Variants in SCG5 observed in about 807,000 individuals in gnomAD.
SCG5 encodes the protein neuroendocrine protein 7B2.
A neutral mutation model predicts 25.7 loss-of-function variants in SCG5; 18 were observed. The observed-to-expected ratio is 0.70, with a 90% CI of 0.48 to 1.04. SCG5 has a LOEUF of 1.04. Among genes scored for constraint, SCG5 ranks in the 50% least tolerant of loss-of-function variants. SCG5 has a pLI of 0.00. For missense variants in SCG5, 206 were observed against 259.8 expected, an observed-to-expected ratio of 0.79 and a Z score of 1.42; for synonymous variants, 101 against 91.7, an observed-to-expected ratio of 1.10 and a Z score of -0.58.
chr15:32,667,787 C>T (rs1375454268), intron 2 of SCG5, among the ~76,000 whole-genome samples: 13 of 152,032 alleles, frequency 8.6e-5, no homozygotes, highest in Non-Finnish European at 1.6e-4. Flanking sequence ...ATTCTCCTGC[C>T]TCAGCCTTTC....
intron 2 of SCG5, among the ~76,000 whole-genome samples, chr15:32,678,985 A>G (rs1567084392): frequency 6.6e-6 from 1 of 152,248 alleles, no homozygotes; most frequent in East Asian, 1.9e-4. Flanking sequence ...AAATAGCAGG[A>G]TAACAGTGAC....
At chr15:32,691,849 G>A in intron 5 of SCG5, 86 bp downstream of exon 5, 1 of 1,558,552 alleles carries the variant, frequency 6.4e-7, no homozygotes, top group Non-Finnish European at 8.7e-7. Flanking sequence ...TCGCTTGTTG[G>A]GAAGTCACAG....
chr15:32,652,808 A>G (rs1407038549), intron 2 of SCG5, among the ~76,000 whole-genome samples: 1 of 152,210 alleles, frequency 6.6e-6, no homozygotes, highest in Non-Finnish European at 1.5e-5. Context: ...AATTTTGGAC[A>G]GCACTATTTT....
chr15:32,658,679 C>T (rs1595796159), intron 2 of SCG5, among the ~76,000 whole-genome samples: 1 of 152,344 alleles, frequency 6.6e-6, no homozygotes, highest in Middle Eastern at 3.4e-3. Flanking sequence ...TTCTGTAACA[C>T]TTCTCTGTCC....
intron 3 of SCG5, 142 bp downstream of exon 3, chr15:32,680,057 G>C (rs867925434): frequency 2.6e-6 from 2 of 755,796 alleles, no homozygotes; most frequent in Non-Finnish European, 4.2e-6. Flanking sequence ...AGATGGGAAG[G>C]GGAAATTTAT....
At chr15:32,666,454 G>A (rs1048430128) in intron 2 of SCG5, 2 of 152,162 alleles carry the variant, frequency 1.3e-5, no homozygotes, top group East Asian at 3.8e-4. Flanking sequence ...CTCCCACTCA[G>A]CGAGCCCTTT....
rs1335439930 is a variant in SCG5, at chr15:32,684,558, A to G, written c.378A>G (p.Ala126=). 3.7e-6 allele frequency: 6 copies of G among 1,604,722 alleles called. No homozygotes were observed. The highest frequency in any genetic ancestry group is 4.3e-6 in the Non-Finnish European group (5 of 1,172,278). The change falls in exon 4 of 6, where the codon GCA becomes GCG. Residue 126 remains alanine, a splice_region_variant and synonymous_variant. Coordinates refer to ENST00000300175, the MANE Select transcript of SCG5 (RefSeq NM_001144757.3). Reference sequence around the variant, plus strand: ...TCAAAAACCTTTGGCTGTTTGCAGCAGATGATGGATGTCTAGAAAACACCC... The same window carrying G: ...TCAAAAACCTTTGGCTGTTTGCAGCGGATGATGGATGTCTAGAAAACACCC... ...PPNPCPVGKT[A]DDGCLENTPD...
At chr15:32,655,299 CTCTG>C (rs969914784) in intron 2 of SCG5, among the ~76,000 whole-genome samples, 21 of 151,580 alleles carry the variant, frequency 1.4e-4, no homozygotes, top group African/African-American at 4.6e-4. Context: ...CAGAGCGAGA[CTCTG>C]TCTGAACAAA....
At chr15:32,692,260 T>C in intron 5 of SCG5, 1 of 987,798 alleles carries the variant, frequency 1.0e-6, no homozygotes, top group Non-Finnish European at 1.2e-6. Flanking sequence ...TGTATCTTTT[T>C]TTCTTGGCCT....
At chr15:32,648,782 T>TA (rs549935437) in intron 2 of SCG5, among the ~76,000 whole-genome samples, 17,494 of 138,928 alleles carry the variant, frequency 0.13, 1,215 homozygotes, top group Middle Eastern at 0.17. Context: ...TTTTTTTTTT[T>TA]TAAAAAAAAA....
intron 2 of SCG5, among the ~76,000 whole-genome samples, chr15:32,646,520 G>A (rs1349680317): frequency 2.0e-5 from 3 of 152,186 alleles, no homozygotes; most frequent in African/African-American, 7.2e-5. Context: ...TAATTATAAT[G>A]TAATATGATC....
intron 5 of SCG5, chr15:32,692,107 T>TG: frequency 8.8e-7 from 1 of 1,140,982 alleles, no homozygotes; most frequent in Non-Finnish European, 1.1e-6. Flanking sequence ...TGTAGGCCAG[T>TG]GGGGAAAAAC....
At chr15:32,665,225 G>T (rs1278368377) in intron 2 of SCG5, among the ~76,000 whole-genome samples, 2 of 152,098 alleles carry the variant, frequency 1.3e-5, no homozygotes, top group Non-Finnish European at 2.9e-5. Context: ...GAAACAATTA[G>T]AATAACACAG....
At chr15:32,646,882 A>G (rs1017186289) in intron 2 of SCG5, among the ~76,000 whole-genome samples, 3 of 152,126 alleles carry the variant, frequency 2.0e-5, no homozygotes, top group Non-Finnish European at 2.9e-5. Context: ...CCCTTCCAAC[A>G]TTGATTTTAG....
At chr15:32,684,093 C>T (rs911101056) in intron 3 of SCG5, among the ~76,000 whole-genome samples, 1 of 152,246 alleles carries the variant, frequency 6.6e-6, no homozygotes, top group African/African-American at 2.4e-5. Context: ...TTGACCCCCA[C>T]AGTTGCCCTG....
intron 2 of SCG5, among the ~76,000 whole-genome samples, chr15:32,674,602 C>G (rs1042291050): frequency 2.0e-5 from 3 of 152,204 alleles, no homozygotes; most frequent in Admixed American, 6.5e-5. Flanking sequence ...GTGCCCTCTT[C>G]TGGACAAGCG....
chr15:32,654,589 G>T (rs778187110), intron 2 of SCG5, among the ~76,000 whole-genome samples: 16 of 152,140 alleles, frequency 1.1e-4, no homozygotes, highest in Non-Finnish European at 1.6e-4. Flanking sequence ...TGACCACAAG[G>T]TTTATCCTTA....
chr15:32,665,689 A>G (rs1418368064), intron 2 of SCG5: 1 of 152,182 alleles, frequency 6.6e-6, no homozygotes, highest in African/African-American at 2.4e-5. Flanking sequence ...GTCTTTGGGA[A>G]TTGAGCTTTT....
intron 2 of SCG5, among the ~76,000 whole-genome samples, chr15:32,665,193 C>T (rs8037619): frequency 0.19 from 28,671 of 152,142 alleles, 2,898 homozygotes; most frequent in Non-Finnish European, 0.23. Flanking sequence ...CCACATTCCC[C>T]TAAAATGCAC....
Sources: allele counts gnomAD v4.1 joint callset (sites outside exome capture counted in the v4.1 genomes callset), GRCh38; gene constraint gnomAD v4.1.1; transcripts MANE v1.5; gene names NCBI Gene and HGNC (gene_info 2026-07-23, HGNC 2026-07-21).